The following MGAT1 variants were observed in gnomAD, a reference collection of about 807,000 sequenced individuals.
MGAT1 encodes the protein alpha-1,3-mannosyl-glycoprotein 2-beta-N-acetylglucosaminyltransferase, also known as N-glycosyl-oligosaccharide-glycoprotein N-acetylglucosaminyltransferase I.
A neutral mutation model predicts 31.7 loss-of-function variants in MGAT1; 14 were observed. The ratio of observed to expected loss-of-function variants is 0.44; its 90% CI spans 0.29 to 0.69. The LOEUF (loss-of-function observed/expected upper bound fraction) is 0.69, where lower values mean the gene tolerates loss of function less well. Among genes scored for constraint, MGAT1 ranks in the 30% least tolerant of loss-of-function variants. MGAT1 has a pLI of 0.12. For synonymous variants in MGAT1, 338 were observed against 276.0 expected (o/e 1.22, Z -2.23); for missense variants, 557 against 626.0 (o/e 0.89, Z 1.18).
At chr5:180,807,984 C>G (rs1368873082) in intron 2 of MGAT1, among the ~76,000 whole-genome samples, 1 of 152,184 alleles carries the variant, frequency 6.6e-6, no homozygotes, top group African/African-American at 2.4e-5. Flanking sequence ...ATTTGCTCCT[C>G]GTAACAACTT....
upstream of MGAT1, among the ~76,000 whole-genome samples, chr5:180,807,440 G>C (rs59085476): frequency 0.072 from 10,891 of 152,266 alleles, 520 homozygotes; most frequent in East Asian, 0.21. Flanking sequence ...GACAAACAGG[G>C]CTGCTTTTAT....
chr5:180,791,843 C>T lies in MGAT1; in HGVS notation c.1129G>A (p.Asp377Asn), dbSNP rs907582342. The T allele has an allele frequency of 2.5e-6, 4 of 1,614,236 alleles. No individual in the cohort carries two copies. The highest frequency in any genetic ancestry group is 2.7e-5 in the African/African-American group (2 of 75,062). ...CGCACCTCCCCCAGCTCCTTCCGGTCATTGGTCCTCACTTTCTCCACCTGC... is the reference window on the plus strand; with the variant it reads ...CGCACCTCCCCCAGCTCCTTCCGGTTATTGGTCCTCACTTTCTCCACCTGC... ...QLQVEKVRTNDRKELGEVRVQ... is the reference protein window; with the variant it reads ...QLQVEKVRTNNRKELGEVRVQ... Residue 377 changes from aspartate to asparagine, a missense_variant, in exon 2 of 2, where the codon GAC (aspartate) becomes AAC (asparagine). Asp to Asn is a conservative substitution (Grantham distance 23, BLOSUM62 1). This residue lies in a region of MGAT1 where 145 missense variants were observed against 143.2 expected (regional missense o/e 1.01). Transcript: ENST00000307826.
In MGAT1 at chr5:180,787,861, A is replaced by G. The variant is rs1008614946; in HGVS notation, c.*3773T>C. ...CTCCACTGGGGGCGACTTGATCCACAAATGAGATCCCACCAGTGACCCAGG... is the reference window on the plus strand; with the variant it reads ...CTCCACTGGGGGCGACTTGATCCACGAATGAGATCCCACCAGTGACCCAGG... On this transcript the variant is annotated 3_prime_UTR_variant, in exon 2 of 2. Coordinates refer to ENST00000307826, the MANE Select transcript of MGAT1 (RefSeq NM_002406.4). 1 of 152,328 alleles carries G rather than the reference A, an allele frequency of 6.6e-6. No individual in the cohort carries two copies. The highest frequency in any genetic ancestry group is 1.5e-5 in the Non-Finnish European group (1 of 68,140). The allele number at this position is 152,328 out of a possible 1,614,324, so 9.4% of individuals were successfully genotyped here. A position where few individuals can be genotyped will look rare whatever the true frequency, so the allele number is the denominator to read the frequency against.
In MGAT1 at chr5:180,802,765, T is replaced by TGCCGCG. The variant is rs1561863868; in HGVS notation, c.-218_-213dup. ...CGGTGCCCAGGCGCGTCCCAAGCGC[T>TGCCGCG]GCCGCGGCCGCCTCGCCTTTCGACT... On this transcript the variant is annotated 5_prime_UTR_variant, in exon 1 of 2. Coordinates refer to ENST00000307826, the MANE Select transcript of MGAT1 (RefSeq NM_002406.4). The TGCCGCG allele has an allele frequency of 6.6e-6, 1 of 152,046 alleles. No homozygotes were observed. Among genetic ancestry groups the TGCCGCG allele is most frequent in the African/African-American group, 2.4e-5 (1 of 41,424 alleles). 9.4% of individuals were successfully genotyped at this position (152,046 alleles called of 1,614,324 possible).
rs74415777 is a variant in MGAT1, at chr5:180,811,921, C to G, written c.-545-2855G>C. Among the ~76,000 whole-genome samples the G allele has an allele frequency of 5.6e-3, 855 of 152,284 alleles. 8 individuals carry two copies. Among genetic ancestry groups the G allele is most frequent in the East Asian group, 0.034 (174 of 5,176 alleles). On this transcript the variant is annotated intron_variant, in intron 1 of 2. Transcript: ENST00000333055. ...CTTCCAGGCATTTCCAGGACTGAAC[C>G]CTTCAGCTCTTTCAAATCTTTCCTC...
chr5:180,807,800 G>A (rs141726094), upstream of MGAT1, among the ~76,000 whole-genome samples: 7 of 152,316 alleles, frequency 4.6e-5, no homozygotes, highest in Non-Finnish European at 1.0e-4. Flanking sequence ...ACACATTCAG[G>A]GGCAGGCTTT....
rs1183350250 is a variant in MGAT1, at chr5:180,787,907, A to C, written c.*3727T>G. 2.0e-5 allele frequency: 3 copies of C among 152,524 alleles called. No individual in the cohort carries two copies. Among genetic ancestry groups the C allele is most frequent in the Non-Finnish European group, 4.4e-5 (3 of 68,232 alleles). The allele number at this position is 152,524 out of a possible 1,614,324, so 9.4% of individuals were successfully genotyped here. A position where few individuals can be genotyped will look rare whatever the true frequency, so the allele number is the denominator to read the frequency against. On this transcript the variant is annotated 3_prime_UTR_variant, in exon 2 of 2. Transcript: ENST00000307826. ...CCAGGTAAGAGGATTGCAAAGGCCA[A>C]GAGGCTTGAGGAGGGAAGGCTGCCC...
chr5:180,795,915 A>G (rs1426445469), intron 1 of MGAT1: 1 of 118,222 alleles, frequency 8.5e-6, no homozygotes, highest in Non-Finnish European at 1.8e-5. Context: ...AGAAAAAGGC[A>G]TGGTCCCACC....
At chr5:180,811,530 T>C (rs1314002788) in intron 1 of MGAT1, 1 of 151,246 alleles carries the variant, frequency 6.6e-6, no homozygotes, top group African/African-American at 2.5e-5. Context: ...CCAGCTTCAC[T>C]CTCTCACCCC....
In MGAT1 at chr5:180,792,013, C is replaced by A. The variant is rs1169200618; in HGVS notation, c.959G>T (p.Ser320Ile). Reference sequence around the variant, plus strand: ...GTGCTGGTCAAAGAACTGCCCGTGGCTCACACCCTTGCGGCCAAAGGTCAT... The same window carrying A: ...GTGCTGGTCAAAGAACTGCCCGTGGATCACACCCTTGCGGCCAAAGGTCAT... ...RTMTFGRKGV[S>I]HGQFFDQHLK... is the part of the protein sequence containing the mutation. Residue 320 changes from serine (S) to isoleucine (I), a missense_variant, in exon 2 of 2, where the codon AGC (serine) becomes ATC (isoleucine). Ser to Ile is a moderately radical substitution (Grantham distance 142). Coordinates refer to ENST00000307826, the MANE Select transcript of MGAT1 (RefSeq NM_002406.4). 1 of 1,614,052 alleles carries A rather than the reference C, an allele frequency of 6.2e-7. No individual in the cohort carries two copies. The highest frequency in any genetic ancestry group is 8.5e-7 in the Non-Finnish European group (1 of 1,180,058).
At chr5:180,808,465 C>T (rs1409033206) in intron 2 of MGAT1, 4 of 152,290 alleles carry the variant, frequency 2.6e-5, no homozygotes, top group Admixed American at 6.5e-5. Flanking sequence ...GGCACTCATC[C>T]AGCTTGGGTA....
chr5:180,798,541 C>T (rs1040134932), intron 1 of MGAT1, among the ~76,000 whole-genome samples: 9 of 152,230 alleles, frequency 5.9e-5, no homozygotes, highest in African/African-American at 1.7e-4. Flanking sequence ...ACTGCCAAGC[C>T]GCTGTGCTAG....
At chr5:180,800,791 G>A (rs866616377) in intron 1 of MGAT1, among the ~76,000 whole-genome samples, 4 of 152,212 alleles carry the variant, frequency 2.6e-5, no homozygotes, top group Non-Finnish European at 5.9e-5. Flanking sequence ...GGATACTTAC[G>A]GGTGAGGCCC....
In MGAT1 at chr5:180,792,492, C is replaced by T. The variant is rs371777000; in HGVS notation, c.480G>A (p.Thr160=). 30 of 1,612,686 alleles carry T rather than the reference C, an allele frequency of 1.9e-5. No individual in the cohort carries two copies. The highest frequency in any genetic ancestry group is 6.6e-5 in the South Asian group (6 of 91,070). ...TGCTCAGGTCGGGCTGCCGGATGTGCGTGACCGCGCTGCCGTAGGAGGCGA... is the reference window on the plus strand; with the variant it reads ...TGCTCAGGTCGGGCTGCCGGATGTGTGTGACCGCGCTGCCGTAGGAGGCGA... ...QAIASYGSAV[T]HIRQPDLSSI... Residue 160 remains threonine, a synonymous_variant, in exon 2 of 2, where the codon ACG becomes ACA. Transcript: ENST00000307826.
chr5:180,794,411 T>TTTTATATATATATATATATATATATA lies in MGAT1; in HGVS notation c.-126-1315_-126-1314insTATATATATATATATATATATATAAA, dbSNP rs528893463. Among the ~76,000 whole-genome samples, 22 of 141,978 alleles carry TTTTATATATATATATATATATATATA rather than the reference T, an allele frequency of 1.5e-4. 1 individual carries two copies. The highest frequency in any genetic ancestry group is 5.9e-4 in the African/African-American group (21 of 35,446). The allele number at this position is 141,978 out of a possible 152,430, so 93.1% of individuals were successfully genotyped here. On this transcript the variant is annotated intron_variant, in intron 1 of 1. Coordinates refer to ENST00000307826, the MANE Select transcript of MGAT1 (RefSeq NM_002406.4). Reference sequence around the variant, plus strand: ...TCTGTCTCAAAAAAATTTTTTTTTATTATATATATATATATATGGCATACT... The same window carrying TTTTATATATATATATATATATATATA: ...TCTGTCTCAAAAAAATTTTTTTTTATTTTATATATATATATATATATATATATATATATATATATATATGGCATACT...
At chr5:180,801,845 G>A (rs1354292156) in intron 1 of MGAT1, among the ~76,000 whole-genome samples, 5 of 152,194 alleles carry the variant, frequency 3.3e-5, no homozygotes, top group African/African-American at 1.2e-4. Flanking sequence ...CAGGCATACC[G>A]CAGTGCTTCT....
At position 180,791,371 on chromosome 5, in the gene MGAT1, C is replaced by A; in HGVS notation, c.*263G>T. 1.8e-6 allele frequency: 1 copy of A among 548,384 alleles called. No homozygotes were observed. Among genetic ancestry groups the A allele is most frequent in the Non-Finnish European group, 3.2e-6 (1 of 310,024 alleles). The allele number at this position is 548,384 out of a possible 1,614,324, so 34.0% of individuals were successfully genotyped here. Reference sequence around the variant, plus strand: ...AGGACGTGGACATTTCTGGCCCCAACAAGCCCAGTGCCCCCCACCACACAG... The same window carrying A: ...AGGACGTGGACATTTCTGGCCCCAAAAAGCCCAGTGCCCCCCACCACACAG... On this transcript the variant is annotated 3_prime_UTR_variant, in exon 2 of 2. Transcript: ENST00000307826.
chr5:180,792,022 T>C lies in MGAT1; in HGVS notation c.950A>G (p.Lys317Arg), dbSNP rs1336739141. 3 of 1,613,994 alleles carry C rather than the reference T, an allele frequency of 1.9e-6. No individual in the cohort carries two copies. The highest frequency in any genetic ancestry group is 2.7e-5 in the African/African-American group (2 of 74,958). ...EISRTMTFGR[K>R]GVSHGQFFDQ... Reference sequence around the variant, plus strand: ...AAAGAACTGCCCGTGGCTCACACCCTTGCGGCCAAAGGTCATCGTTCTTGA... The same window carrying C: ...AAAGAACTGCCCGTGGCTCACACCCCTGCGGCCAAAGGTCATCGTTCTTGA... Residue 317 changes from lysine (K) to arginine (R), a missense_variant, in exon 2 of 2, where the codon AAG becomes AGG. Transcript: ENST00000307826.
chr5:180,791,892 G>A lies in MGAT1; in HGVS notation c.1080C>T (p.Ala360=), dbSNP rs754699098. Residue 360 remains alanine, a synonymous_variant, in exon 2 of 2, where the codon GCC becomes GCT. Transcript: ENST00000307826. Reference sequence around the variant, plus strand: ...GCAGCTGGGGAGCACCGTAGACGCGGGCGAGGAAATCTCGGTCATAGGCCT... The same window carrying A: ...GCAGCTGGGGAGCACCGTAGACGCGAGCGAGGAAATCTCGGTCATAGGCCT... The part of the protein sequence containing the change: ...QREAYDRDFL[A]RVYGAPQLQV... 30 of 1,614,224 alleles carry A rather than the reference G, an allele frequency of 1.9e-5. No homozygotes were observed. The Admixed American group carries it at 5.0e-4, about 27-fold the overall frequency.
Sources: gnomAD v4.1 joint callset for allele counts (sites outside exome capture counted in the v4.1 genomes callset) on GRCh38, gnomAD v4.1.1 for gene constraint, gnomAD v4.1.1 regional missense constraint, MANE v1.5 for transcripts, NCBI Gene and HGNC (gene_info 2026-07-23, HGNC 2026-07-21) for gene names.